Variants in CA11 observed in about 807,000 individuals in gnomAD.
CA11 encodes carbonic anhydrase-related protein 11.
A neutral mutation model predicts 39.3 loss-of-function variants in CA11; 20 were observed. That is an observed-to-expected ratio of 0.51 (90% CI 0.36 to 0.74). CA11 has a LOEUF of 0.74. Ranked by LOEUF, CA11 falls within the 30% of genes least tolerant of loss-of-function variation. The probability of loss-of-function intolerance (pLI) is 0.00; values close to 1 mark genes in which losing one functional copy is unlikely to be tolerated. For synonymous variants in CA11, 166 were observed against 172.5 expected (o/e 0.96, Z 0.29); for missense variants, 336 against 424.6 (o/e 0.79, Z 1.83).
Position 48,643,208 on chromosome 19 carries a change from C to T in CA11, c.285+1219G>A, listed in dbSNP as rs886634133. Among the ~76,000 whole-genome samples, 6 of 151,758 alleles carry T rather than the reference C, an allele frequency of 4.0e-5. No homozygotes were observed. The highest frequency in any genetic ancestry group is 8.8e-5 in the Non-Finnish European group (6 of 67,910). ...CTCTCTTTCTTTTCTCTCCCTCTCTCTCTGTATTTATTTCTTTCTGAGATG... is the reference window on the plus strand; with the variant it reads ...CTCTCTTTCTTTTCTCTCCCTCTCTTTCTGTATTTATTTCTTTCTGAGATG... On this transcript the variant is annotated intron_variant, in intron 3 of 8. Coordinates refer to ENST00000084798, the MANE Select transcript of CA11 (RefSeq NM_001217.5). The surrounding 1 kb of genome is among the most constrained non-coding windows in gnomAD (Gnocchi z 4.3).
At chr19:48,638,772 G>A (rs1486300370) in intron 8 of CA11, 116 bp downstream of exon 8, 10 of 1,138,432 alleles carry the variant, frequency 8.8e-6, no homozygotes, top group South Asian at 1.7e-5. Flanking sequence ...AGCTCACGAG[G>A]CTAGACCATA....
intron 2 of CA11, among the ~76,000 whole-genome samples, 182 bp from the exon 3 acceptor site, chr19:48,644,751 G>A (rs892496900): frequency 2.0e-5 from 3 of 152,086 alleles, no homozygotes. Flanking sequence ...GGTCCTAGAA[G>A]AATCTTGGAA....
Position 48,639,061 on chromosome 19 carries a change from G to A in CA11, c.796-8C>T. Reference sequence around the variant, plus strand: ...GAGTCTCAGGGAGTGCATCTGCAGTGGAAGGAGGGTGGGAAACTGGGAGTG... The same window carrying A: ...GAGTCTCAGGGAGTGCATCTGCAGTAGAAGGAGGGTGGGAAACTGGGAGTG... On this transcript the variant is annotated splice_region_variant and splice_polypyrimidine_tract_variant and intron_variant, in intron 7 of 8. Coordinates refer to ENST00000084798, the MANE Select transcript of CA11 (RefSeq NM_001217.5). The A allele has an allele frequency of 6.2e-7, 1 of 1,613,814 alleles. No individual in the cohort carries two copies. Among genetic ancestry groups the A allele is most frequent in the East Asian group, 2.2e-5 (1 of 44,860 alleles).
chr19:48,640,846 T>C (rs1373474669), intron 3 of CA11, among the ~76,000 whole-genome samples: 5 of 151,294 alleles, frequency 3.3e-5, no homozygotes, highest in African/African-American at 7.3e-5. Context: ...GGCTAATTTT[T>C]TGTATTTTTA....
In CA11 at chr19:48,644,567, G is replaced by A; in HGVS notation, c.145C>T (p.Pro49Ser). Residue 49 changes from proline (P) to serine (S), a missense_variant and splice_region_variant, in exon 3 of 9, where the codon CCT becomes TCT. Pro to Ser is a moderately conservative substitution (Grantham distance 74). Coordinates refer to ENST00000084798, the MANE Select transcript of CA11 (RefSeq NM_001217.5). ...DNLQGNFVPGPPFWGLVNAAW... is the reference protein window; with the variant it reads ...DNLQGNFVPGSPFWGLVNAAW... ...GCATTCACCAGGCCCCAGAAAGGAG[G>A]CCCTGGGGGTGGGGTCGGAGTAGGA... is the stretch of plus-strand genomic sequence containing the variant. 1 of 1,583,422 alleles carries A rather than the reference G, an allele frequency of 6.3e-7. No individual in the cohort carries two copies. The highest frequency in any genetic ancestry group is 8.6e-7 in the Non-Finnish European group (1 of 1,163,318).
chr19:48,644,053 C>T (rs2031169947), intron 3 of CA11, among the ~76,000 whole-genome samples: 1 of 151,606 alleles, frequency 6.6e-6, no homozygotes, highest in Admixed American at 6.6e-5. Context: ...GCTGAGATCA[C>T]ATCATTGCAC....
At chr19:48,639,149 GT>G in intron 7 of CA11, 96 bp from the exon 8 acceptor site, 1 of 1,553,058 alleles carries the variant, frequency 6.4e-7, no homozygotes, top group Non-Finnish European at 8.8e-7. Flanking sequence ...GGTGGGCGGG[GT>G]CTGTTCTCAG....
intron 3 of CA11, among the ~76,000 whole-genome samples, chr19:48,641,943 C>T (rs552520234): frequency 2.7e-5 from 4 of 149,340 alleles, no homozygotes; most frequent in East Asian, 2.0e-4. Flanking sequence ...TGGAATTACA[C>T]GCATGAAGCA....
chr19:48,638,830 G>T, intron 8 of CA11, 58 bp downstream of exon 8: 1 of 1,470,360 alleles, frequency 6.8e-7, no homozygotes, highest in East Asian at 2.4e-5. Flanking sequence ...GACACCAAGG[G>T]GAGACACATA....
Position 48,643,382 on chromosome 19 carries a change from G to A in CA11, c.285+1045C>T, listed in dbSNP as rs571919027. On this transcript the variant is annotated intron_variant, in intron 3 of 8. Coordinates refer to ENST00000084798, the MANE Select transcript of CA11 (RefSeq NM_001217.5). This position sits in a 1 kb window ranked among gnomAD's most constrained non-coding sequence, Gnocchi z 4.3. Reference sequence around the variant, plus strand: ...ATGCCACCACACCCGGCTAATTTTTGTATTTTTAGTAGAGATGGGGTTTCA... The same window carrying A: ...ATGCCACCACACCCGGCTAATTTTTATATTTTTAGTAGAGATGGGGTTTCA... Among the ~76,000 whole-genome samples, 1 of 152,044 alleles carries A rather than the reference G, an allele frequency of 6.6e-6. No homozygotes were observed. The highest frequency in any genetic ancestry group is 1.5e-5 in the Non-Finnish European group (1 of 68,012).
In CA11 at chr19:48,645,957, A is replaced by T. The variant is rs928334753; in HGVS notation, c.-325T>A. 9.1e-6 allele frequency: 4 copies of T among 437,558 alleles called. No individual in the cohort carries two copies. Among genetic ancestry groups the T allele is most frequent in the Non-Finnish European group, 1.2e-5 (3 of 249,876 alleles). 27.1% of individuals were successfully genotyped at this position (437,558 alleles called of 1,614,324 possible). On this transcript the variant is annotated 5_prime_UTR_variant, in exon 1 of 9. An upstream open reading frame in the 5' UTR gains an earlier in-frame stop. Transcript: ENST00000084798. ...AGGGCTACCTCTTGGTTCCTAACCC[A>T]CACCTCCTCTCCGTTCTCTTTTCAT...
intron 2 of CA11, 87 bp downstream of exon 2, chr19:48,645,316 G>A (rs1243637864): frequency 3.4e-6 from 4 of 1,176,690 alleles, no homozygotes; most frequent in East Asian, 2.6e-5. Context: ...TCCTGGGGGG[G>A]AGGAGGGAGC....
rs1427908860 is a variant in CA11 at position 48,643,884 on chromosome 19, A to G, written c.285+543T>C. On this transcript the variant is annotated intron_variant, in intron 3 of 8. Transcript: ENST00000084798. The surrounding 1 kb of genome is among the most constrained non-coding windows in gnomAD (Gnocchi z 4.3). ...CGAGGCAGGTGGATCACCTGAGGTC[A>G]GGAGTTCAAGACCAGCCTGACCAAA... Among the ~76,000 whole-genome samples, 2 of 152,088 alleles carry G rather than the reference A, an allele frequency of 1.3e-5. No homozygotes were observed. Among genetic ancestry groups the G allele is most frequent in the African/African-American group, 4.8e-5 (2 of 41,402 alleles).
In CA11 at chr19:48,644,517, C is replaced by T; in HGVS notation, c.195G>A (p.Gly65=). The change falls in exon 3 of 9, where the codon GGG becomes GGA. Residue 65 remains glycine (G), a synonymous_variant. Transcript: ENST00000084798. The part of the protein sequence containing the change: ...VNAAWSLCAV[G]KRQSPVDVEL... ...CCACATCCACGGGGCTCTGCCGCTT[C>T]CCCACAGCACACAGACTCCACGCTG... 6.2e-7 allele frequency: 1 copy of T among 1,611,556 alleles called. No homozygotes were observed. The highest frequency in any genetic ancestry group is 1.7e-4 in the Middle Eastern group (1 of 6,036).
intron 8 of CA11, 108 bp downstream of exon 8, chr19:48,638,780 A>G (rs534457547): frequency 3.3e-6 from 4 of 1,197,022 alleles, no homozygotes; most frequent in Non-Finnish European, 4.6e-6. Flanking sequence ...AGGCTAGACC[A>G]TATAGACGCA....
Position 48,645,553 on chromosome 19 carries a change from C to A in CA11, c.67+13G>T. ...CTCCCTCGGGGGCTCCTCCCGGGAACCCCAGGTCTTACCTGCTGCCCCCAG... is the reference window on the plus strand; with the variant it reads ...CTCCCTCGGGGGCTCCTCCCGGGAAACCCAGGTCTTACCTGCTGCCCCCAG... On this transcript the variant is annotated intron_variant, in intron 1 of 8. Transcript: ENST00000084798. 2 of 1,602,634 alleles carry A rather than the reference C, an allele frequency of 1.2e-6. No homozygotes were observed. The highest frequency in any genetic ancestry group is 1.7e-6 in the Non-Finnish European group (2 of 1,174,728).
At chr19:48,641,574 G>A (rs1303845494) in intron 3 of CA11, among the ~76,000 whole-genome samples, 3 of 152,136 alleles carry the variant, frequency 2.0e-5, no homozygotes, top group Non-Finnish European at 4.4e-5. Context: ...GGAGCTCTGA[G>A]GTGTCATGGG....
Position 48,639,408 on chromosome 19 carries a change from G to A in CA11, c.692C>T (p.Ser231Phe). The change falls in exon 7 of 9, where the codon TCC becomes TTC. Residue 231 changes from serine (S) to phenylalanine (F), a missense_variant. By Grantham distance (155) the Ser-to-Phe change is radical. Coordinates refer to ENST00000084798, the MANE Select transcript of CA11 (RefSeq NM_001217.5). ...DLSLELLFPE[S>F]FGFITYQGSL... The stretch of plus-strand genomic sequence containing the variant: ...GCCCTGATAGGTGATGAAGCCGAAG[G>A]ATTCAGGGAACAGGAGCTCCAGGCT... The A allele has an allele frequency of 3.7e-6, 6 of 1,613,838 alleles. No individual in the cohort carries two copies. Among genetic ancestry groups the A allele is most frequent in the South Asian group, 1.1e-5 (1 of 91,084 alleles).
Position 48,645,928 on chromosome 19 carries a change from C to T in CA11, c.-296G>A. ...CCTACTCCTCTCAGCCTTCTGCTGC[C>T]CCCAGGGCTACCTCTTGGTTCCTAA... On this transcript the variant is annotated 5_prime_UTR_variant, in exon 1 of 9. Coordinates refer to ENST00000084798, the MANE Select transcript of CA11 (RefSeq NM_001217.5). 2.1e-6 allele frequency: 1 copy of T among 467,662 alleles called. No homozygotes were observed. The highest frequency in any genetic ancestry group is 3.7e-6 in the Non-Finnish European group (1 of 267,618). The allele number at this position is 467,662 out of a possible 1,614,324, so 29.0% of individuals were successfully genotyped here.
Sources: gnomAD v4.1 joint callset for allele counts (sites outside exome capture counted in the v4.1 genomes callset) on GRCh38, gnomAD v4.1.1 for gene constraint, Gnocchi (gnomAD v3.1) non-coding constraint, MANE v1.5 for transcripts, NCBI Gene and HGNC (gene_info 2026-07-23, HGNC 2026-07-21) for gene names.